The following FRMD6 variants were observed in gnomAD, a reference collection of about 807,000 sequenced individuals.
The protein encoded by FRMD6 is FERM domain containing 6.
In FRMD6, 37 loss-of-function variants were observed where a neutral mutation model predicts 73.2. That is an observed-to-expected ratio of 0.51 (90% confidence interval 0.39 to 0.66). FRMD6 has a LOEUF of 0.66. Among genes scored for constraint, FRMD6 ranks in the 30% least tolerant of loss-of-function variants. The probability of loss-of-function intolerance (pLI) is 0.00; values close to 1 mark genes in which losing one functional copy is unlikely to be tolerated. For missense variants in FRMD6, 714 were observed against 780.5 expected (o/e 0.91, Z 1.02); for synonymous variants, 273 against 282.2 (o/e 0.97, Z 0.33).
intron 1 of FRMD6, among the ~76,000 whole-genome samples, chr14:51,544,693 A>G (rs1349789463): frequency 1.3e-5 from 2 of 151,450 alleles, no homozygotes; most frequent in South Asian, 2.1e-4. Context: ...TTTTTAATCA[A>G]TTTTACTTTG....
chr14:51,651,975 G>T lies in FRMD6; in HGVS notation c.-168G>T, dbSNP rs1326356880. ...GGGGTGACCAGAGAGCCCAACGCCT[G>T]GTGCTCAAGACTTTCTCCGAGGTAT... On this transcript the variant is annotated 5_prime_UTR_variant, in exon 1 of 14. Coordinates refer to ENST00000344768, the MANE Select transcript of FRMD6 (RefSeq NM_001267046.2). 1 of 152,176 alleles carries T rather than the reference G, an allele frequency of 6.6e-6. No homozygotes were observed. The highest frequency in any genetic ancestry group is 1.9e-4 in the East Asian group (1 of 5,162). The allele number at this position is 152,176 out of a possible 1,614,324, so 9.4% of individuals were successfully genotyped here. A position where few individuals can be genotyped will look rare whatever the true frequency, so the allele number is the denominator to read the frequency against.
upstream of FRMD6, among the ~76,000 whole-genome samples, chr14:51,646,979 T>C (rs1359292700): frequency 1.3e-5 from 2 of 151,938 alleles, no homozygotes; most frequent in East Asian, 3.9e-4. Context: ...TTATCAAACC[T>C]TTCTTATTAC....
intron 2 of FRMD6, among the ~76,000 whole-genome samples, chr14:51,596,657 T>C (rs959151087): frequency 2.0e-5 from 3 of 152,150 alleles, no homozygotes; most frequent in Admixed American, 6.5e-5. Context: ...TCAAGGCTCA[T>C]GGTTAAGCAG....
chr14:51,536,158 A>G (rs532889932), intron 1 of FRMD6, among the ~76,000 whole-genome samples: 1 of 149,788 alleles, frequency 6.7e-6, no homozygotes, highest in East Asian at 2.0e-4. Flanking sequence ...GTGTTAGTGT[A>G]ATCATGAATC....
chr14:51,594,252 G>A (rs1186711234), intron 2 of FRMD6, among the ~76,000 whole-genome samples: 2 of 152,236 alleles, frequency 1.3e-5, no homozygotes, highest in South Asian at 4.1e-4. Context: ...AGCCTTCCAA[G>A]TAACTGGGAT....
the FRMD6 span, among the ~76,000 whole-genome samples, chr14:51,430,602 A>T: frequency 2.1e-5 from 3 of 142,606 alleles, no homozygotes; most frequent in African/African-American, 8.1e-5. Flanking sequence ...AGGGAATCAT[A>T]AAAAAAAAAA....
At chr14:51,716,097 G>T (rs1897226697) in intron 10 of FRMD6, among the ~76,000 whole-genome samples, 1 of 152,120 alleles carries the variant, frequency 6.6e-6, no homozygotes, top group Non-Finnish European at 1.5e-5. Flanking sequence ...CAGTCTGTCT[G>T]GGGCCTCAGA....
intron 1 of FRMD6, among the ~76,000 whole-genome samples, chr14:51,659,895 T>G (rs1462603739): frequency 2.0e-5 from 3 of 152,208 alleles, no homozygotes; most frequent in Non-Finnish European, 4.4e-5. Flanking sequence ...GGCCAGAGTT[T>G]GAGATTTTAA....
Position 51,585,939 on chromosome 14 carries a change from G to GTGTATATATATA in FRMD6, c.-147+15530_-147+15531insGTATATATATAT. On this transcript the variant is annotated intron_variant, in intron 2 of 14. Transcript: ENST00000356218. ...TGCCATGGCATGTGTGTGTGTGTGT[G>GTGTATATATATA]TATATATATATATATATATATAACA... Among the ~76,000 whole-genome samples the GTGTATATATATA allele has an allele frequency of 3.8e-3, 118 of 31,408 alleles. 7 individuals are homozygous for GTGTATATATATA. The highest frequency in any genetic ancestry group is 6.9e-3 in the African/African-American group (101 of 14,630). The allele number at this position is 31,408 out of a possible 152,430, so 20.6% of individuals were successfully genotyped here. A position where few individuals can be genotyped will look rare whatever the true frequency, so the allele number is the denominator to read the frequency against.
chr14:51,663,293 A>G (rs898530239), intron 1 of FRMD6, among the ~76,000 whole-genome samples: 13 of 152,246 alleles, frequency 8.5e-5, no homozygotes, highest in Middle Eastern at 3.2e-3. Context: ...AAATCATTCT[A>G]TTACAAAGAC....
chr14:51,586,090 G>T (rs1187362167), intron 2 of FRMD6, among the ~76,000 whole-genome samples: 1 of 150,796 alleles, frequency 6.6e-6, no homozygotes, highest in Non-Finnish European at 1.5e-5. Flanking sequence ...TTCCTTTTGG[G>T]TATACACCCA....
intron 1 of FRMD6, among the ~76,000 whole-genome samples, chr14:51,533,318 G>A (rs1885695246): frequency 6.6e-6 from 1 of 152,100 alleles, no homozygotes; most frequent in African/African-American, 2.4e-5. Flanking sequence ...TGTTTACAAG[G>A]ATTTATTTCT....
At chr14:51,621,865 T>C (rs919434063) in intron 2 of FRMD6, among the ~76,000 whole-genome samples, 1 of 152,156 alleles carries the variant, frequency 6.6e-6, no homozygotes, top group Non-Finnish European at 1.5e-5. Context: ...AAACTCCCCA[T>C]CTGGCCCCAG....
Position 51,513,591 on chromosome 14 carries a change from C to T in FRMD6, c.-210+24171C>T, listed in dbSNP as rs113584711. ...CCCAGAGAAAATGATACACATTTGACCAACATTCTTGGATGCTTCCTGAAT... is the reference window on the plus strand; with the variant it reads ...CCCAGAGAAAATGATACACATTTGATCAACATTCTTGGATGCTTCCTGAAT... On this transcript the variant is annotated intron_variant, in intron 1 of 14. Coordinates refer to the FRMD6 transcript ENST00000356218. Among the ~76,000 whole-genome samples the T allele has an allele frequency of 4.4e-3, 673 of 151,374 alleles. 2 individuals are homozygous for T. The highest frequency in any genetic ancestry group is 0.016 in the African/African-American group (649 of 41,208).
intron 1 of FRMD6, among the ~76,000 whole-genome samples, chr14:51,494,630 C>T (rs971115857): frequency 2.0e-5 from 3 of 152,182 alleles, no homozygotes; most frequent in African/African-American, 7.2e-5. Context: ...CTGAAATGCA[C>T]ACCTGTGGCA....
At chr14:51,666,743 A>G (rs974756697) in intron 1 of FRMD6, among the ~76,000 whole-genome samples, 8 of 152,198 alleles carry the variant, frequency 5.3e-5, no homozygotes, top group African/African-American at 1.9e-4. Flanking sequence ...AGTGATAAAC[A>G]AAATTATGAT....
the FRMD6 span, among the ~76,000 whole-genome samples, chr14:51,423,522 C>G: frequency 6.6e-6 from 1 of 152,140 alleles, no homozygotes. Flanking sequence ...ATGGCTCACC[C>G]CTTCTTTTTT....
rs1229664929 is a variant in FRMD6 at position 51,728,974 on chromosome 14, C to T, written c.*945C>T. 3 of 152,120 alleles carry T rather than the reference C, an allele frequency of 2.0e-5. No individual in the cohort carries two copies. The highest frequency in any genetic ancestry group is 2.9e-5 in the Non-Finnish European group (2 of 68,020). The allele number at this position is 152,120 out of a possible 1,614,324, so 9.4% of individuals were successfully genotyped here. On this transcript the variant is annotated 3_prime_UTR_variant, in exon 14 of 14. Coordinates refer to ENST00000344768, the MANE Select transcript of FRMD6 (RefSeq NM_001267046.2). ...TATGTCTATATGTGTTTAAAGCTTA[C>T]TATGTCTTCATTTTGGCTTCCATGA...
At chr14:51,559,137 A>G (rs1887328531) in intron 1 of FRMD6, among the ~76,000 whole-genome samples, 1 of 152,250 alleles carries the variant, frequency 6.6e-6, no homozygotes, top group Non-Finnish European at 1.5e-5. Context: ...TTGCATATCA[A>G]CATACCCCGG....
Sources: allele counts gnomAD v4.1 joint callset (sites outside exome capture counted in the v4.1 genomes callset), GRCh38; gene constraint gnomAD v4.1.1; transcripts MANE v1.5; gene names NCBI Gene and HGNC (gene_info 2026-07-23, HGNC 2026-07-21).